Variants in VPS13D observed in about 807,000 individuals in gnomAD.
VPS13D encodes the protein vacuolar protein sorting 13 homolog D.
A neutral mutation model predicts 461.9 loss-of-function variants in VPS13D; 187 were observed. That is an observed-to-expected ratio of 0.40 (90% CI 0.36 to 0.46). The LOEUF (loss-of-function observed/expected upper bound fraction) is 0.46, where lower values mean the gene tolerates loss of function less well. Among genes scored for constraint, VPS13D ranks in the 20% least tolerant of loss-of-function variants. The pLI is 0.60. For missense variants in VPS13D, 4,711 were observed against 5,364.9 expected (o/e 0.88, Z 3.81); for synonymous variants, 1,951 against 1,986.3 (o/e 0.98, Z 0.47).
intron 27 of VPS13D, among the ~76,000 whole-genome samples, chr1:12,310,415 A>G (rs1299419440): frequency 6.6e-6 from 1 of 152,206 alleles, no homozygotes; most frequent in East Asian, 1.9e-4. Context: ...TAGTGTCTGT[A>G]GGATTCACAA....
At position 12,333,158 on chromosome 1, in the gene VPS13D, C is replaced by T. The variant is rs1643372187; in HGVS notation, c.8288-68C>T. ...CGAGTTTGTCCTTGCTGAACATTTG[C>T]GAGCAGTGTTCCCCTATAAACTCTT... On this transcript the variant is annotated intron_variant, in intron 37 of 69. Transcript: ENST00000620676. The T allele has an allele frequency of 3.9e-5, 60 of 1,526,446 alleles. 2 individuals are homozygous for T. In the South Asian group the frequency reaches 5.3e-4, roughly 14 times the overall value. 94.6% of individuals were successfully genotyped at this position (1,526,446 alleles called of 1,614,324 possible). A position where few individuals can be genotyped will look rare whatever the true frequency, so the allele number is the denominator to read the frequency against.
rs1372680833 is a variant in VPS13D, at chr1:12,379,588, G to T, written c.11182G>T (p.Val3728Phe). Residue 3728 changes from valine (V) to phenylalanine (F), a missense_variant, in exon 57 of 70, where the codon GTC (valine) becomes TTC (phenylalanine). Coordinates refer to ENST00000620676, the MANE Select transcript of VPS13D (RefSeq NM_015378.4). ...GKLTCGLHGLVVQAKGGLSGL... is the reference protein window; with the variant it reads ...GKLTCGLHGLFVQAKGGLSGL... ...ACTGACCTGTGGGTTACATGGGTTGGTCGTCCAGGTCAGTCGTTTTTGATC... is the reference window on the plus strand; with the variant it reads ...ACTGACCTGTGGGTTACATGGGTTGTTCGTCCAGGTCAGTCGTTTTTGATC... The T allele has an allele frequency of 1.2e-6, 2 of 1,612,344 alleles. No homozygotes were observed. Among genetic ancestry groups the T allele is most frequent in the African/African-American group, 2.7e-5 (2 of 74,826 alleles).
At chr1:12,259,676 C>T (rs1287273526) in intron 10 of VPS13D, among the ~76,000 whole-genome samples, 1 of 152,122 alleles carries the variant, frequency 6.6e-6, no homozygotes, top group East Asian at 1.9e-4. Flanking sequence ...CTGAGATGAG[C>T]AAGTAAAGAC....
chr1:12,465,473 T>C (rs1478528622), intron 67 of VPS13D, among the ~76,000 whole-genome samples: 2 of 152,202 alleles, frequency 1.3e-5, no homozygotes, highest in Non-Finnish European at 2.9e-5. Flanking sequence ...GATCAGTGTT[T>C]AAGAATACAG....
At chr1:12,408,749 A>T (rs1317086508) in intron 63 of VPS13D, among the ~76,000 whole-genome samples, 1 of 152,182 alleles carries the variant, frequency 6.6e-6, no homozygotes, top group Non-Finnish European at 1.5e-5. Flanking sequence ...CACCAAGTCC[A>T]GTGACCTTTC....
chr1:12,396,665 C>G (rs1470115744), intron 60 of VPS13D, among the ~76,000 whole-genome samples: 4 of 152,180 alleles, frequency 2.6e-5, no homozygotes, highest in Non-Finnish European at 4.4e-5. Flanking sequence ...GGCTCCTTCT[C>G]TCCCTTAACA....
chr1:12,340,764 A>G (rs941273012), intron 40 of VPS13D, among the ~76,000 whole-genome samples: 3 of 152,212 alleles, frequency 2.0e-5, no homozygotes, highest in East Asian at 1.9e-4. Flanking sequence ...AGATTGAGCC[A>G]CACCTCCCTT....
intron 50 of VPS13D, among the ~76,000 whole-genome samples, chr1:12,361,681 C>T (rs1643952838): frequency 1.3e-5 from 2 of 152,046 alleles, no homozygotes; most frequent in South Asian, 4.1e-4. Context: ...AGGCGTGAGC[C>T]ACCACGCCCG....
At chr1:12,236,761 G>A (rs1209858281) in intron 2 of VPS13D, among the ~76,000 whole-genome samples, 2 of 152,134 alleles carry the variant, frequency 1.3e-5, no homozygotes, top group African/African-American at 4.8e-5. Flanking sequence ...TGAAATAGTG[G>A]TCAAGGGTAT....
chr1:12,322,670 C>T lies in VPS13D; in HGVS notation c.7839C>T (p.Gly2613=), dbSNP rs200923598. 6 of 1,614,226 alleles carry T rather than the reference C, an allele frequency of 3.7e-6. No individual in the cohort carries two copies. Among genetic ancestry groups the T allele is most frequent in the Admixed American group, 3.3e-5 (2 of 60,026 alleles). The stretch of plus-strand genomic sequence containing the variant: ...TGGCCCTGGAGTCAGACTCCGTTGG[C>T]ACTTACCTTCCAGGTGCATCTCGCG... ...DSVALESDSV[G]TYLPGASRVG... Residue 2613 remains glycine (G), a synonymous_variant, in exon 34 of 70, where the codon GGC becomes GGT. Coordinates refer to ENST00000620676, the MANE Select transcript of VPS13D (RefSeq NM_015378.4).
intron 1 of VPS13D, among the ~76,000 whole-genome samples, chr1:12,232,637 C>CTT (rs772757546): frequency 0.032 from 2,240 of 71,024 alleles, 158 homozygotes; most frequent in African/African-American, 0.086. Flanking sequence ...TAAAATTAGT[C>CTT]TTTTTTTTTT....
chr1:12,484,058 C>T (rs1388162996), intron 67 of VPS13D, among the ~76,000 whole-genome samples: 2 of 152,000 alleles, frequency 1.3e-5, no homozygotes, highest in East Asian at 1.9e-4. Flanking sequence ...TTATATGTGG[C>T]GTGGCCTATT....
At chr1:12,377,185 G>A (rs1415449310) in intron 55 of VPS13D, among the ~76,000 whole-genome samples, 2 of 151,298 alleles carry the variant, frequency 1.3e-5, no homozygotes, top group East Asian at 2.0e-4. Context: ...TCAGTTTCCC[G>A]AGTAGCTGGG....
intron 68 of VPS13D, chr1:12,500,182 TATTTA>T (rs1646017590): frequency 1.0e-6 from 1 of 984,440 alleles, no homozygotes; most frequent in African/African-American, 1.7e-5. Flanking sequence ...TTTGTCATTC[TATTTA>T]ATTAATTAAT....
rs368927138 is a variant in VPS13D, at chr1:12,469,051, AC to A, written c.12662+8656del. Among the ~76,000 whole-genome samples the A allele has an allele frequency of 2.0e-5, 3 of 151,762 alleles. 1 individual carries two copies. Among genetic ancestry groups the A allele is most frequent in the Non-Finnish European group, 4.4e-5 (3 of 67,954 alleles). On this transcript the variant is annotated intron_variant, in intron 67 of 69. Coordinates refer to ENST00000620676, the MANE Select transcript of VPS13D (RefSeq NM_015378.4). ...CCCTGTCTCAAAGAAAAAAAAAAAA[AC>A]AAAAAACTTTTGTTATATTGGGCTT... is the stretch of plus-strand genomic sequence containing the variant.
At chr1:12,392,965 A>G (rs1452268931) in intron 60 of VPS13D, among the ~76,000 whole-genome samples, 1 of 152,202 alleles carries the variant, frequency 6.6e-6, no homozygotes, top group Non-Finnish European at 1.5e-5. Flanking sequence ...CAAATGAGGA[A>G]TGTGTTGCCT....
intron 32 of VPS13D, 118 bp downstream of exon 32, chr1:12,319,748 C>G (rs930018721): frequency 6.9e-6 from 10 of 1,441,258 alleles, no homozygotes; most frequent in Non-Finnish European, 9.4e-6. Context: ...ATTGGAAGAC[C>G]CTTGCCCTCT....
chr1:12,283,459 A>G lies in VPS13D; in HGVS notation c.5357A>G (p.His1786Arg), dbSNP rs774322956. 2 of 1,614,130 alleles carry G rather than the reference A, an allele frequency of 1.2e-6. No homozygotes were observed. The highest frequency in any genetic ancestry group is 1.3e-5 in the African/African-American group (1 of 74,948). The part of the protein sequence containing the change: ...GKSKFDDSLV[H>R]INIFLVDKKH... Reference sequence around the variant, plus strand: ...AGTAAATTTGATGATTCCTTAGTCCACATCAACATATTCTTGGTAGATAAG... The same window carrying G: ...AGTAAATTTGATGATTCCTTAGTCCGCATCAACATATTCTTGGTAGATAAG... Residue 1786 changes from histidine to arginine, a missense_variant, in exon 21 of 70, where the codon CAC becomes CGC. By Grantham distance (29) the His-to-Arg change is conservative. Coordinates refer to ENST00000620676, the MANE Select transcript of VPS13D (RefSeq NM_015378.4).
Position 12,509,079 on chromosome 1 carries a change from A to C in VPS13D, c.*55A>C. The C allele has an allele frequency of 6.3e-7, 1 of 1,586,036 alleles. No individual in the cohort carries two copies. The highest frequency in any genetic ancestry group is 1.8e-5 in the Admixed American group (1 of 55,870). On this transcript the variant is annotated 3_prime_UTR_variant, in exon 70 of 70. Transcript: ENST00000620676. ...CACAGCGCAGACCCACCAGGAGGAA[A>C]GAGGCCCAGCTCTCAGCTGACGATG...
Sources: allele counts gnomAD v4.1 joint callset (sites outside exome capture counted in the v4.1 genomes callset), GRCh38; gene constraint gnomAD v4.1.1; transcripts MANE v1.5; gene names NCBI Gene and HGNC (gene_info 2026-07-23, HGNC 2026-07-21).